The following KANSL1L variants were observed in gnomAD, a reference collection of about 807,000 sequenced individuals.
KANSL1L encodes KAT8 regulatory NSL complex subunit 1-like protein.
Under a neutral mutation model 108.6 loss-of-function variants are expected in KANSL1L, and 25 were observed. That is an observed-to-expected ratio of 0.23 (90% CI 0.17 to 0.32). KANSL1L has a LOEUF of 0.32. KANSL1L is among the 10% of genes least tolerant of loss of function. The probability of loss-of-function intolerance (pLI) is 1.00; values close to 1 mark genes in which losing one functional copy is unlikely to be tolerated. For synonymous variants in KANSL1L, 405 were observed against 395.1 expected (o/e 1.03, Z -0.30); for missense variants, 1,137 against 1,125.7 (o/e 1.01, Z -0.14).
At chr2:210,093,299 T>A (rs2125391992) in intron 5 of KANSL1L, among the ~76,000 whole-genome samples, 1 of 152,204 alleles carries the variant, frequency 6.6e-6, no homozygotes, top group Middle Eastern at 3.4e-3. Context: ...GCATGCACCA[T>A]CACACCCAGC....
At position 210,023,934 on chromosome 2, in the gene KANSL1L, T is replaced by C. The variant is rs186247769; in HGVS notation, c.2733+99A>G. The C allele has an allele frequency of 8.5e-6, 6 of 706,746 alleles. No homozygotes were observed. The African/African-American group carries it at 9.3e-5, about 11-fold the overall frequency. 43.8% of individuals were successfully genotyped at this position (706,746 alleles called of 1,614,324 possible). A position where few individuals can be genotyped will look rare whatever the true frequency, so the allele number is the denominator to read the frequency against. On this transcript the variant is annotated intron_variant, in intron 14 of 14. Transcript: ENST00000281772. ...TATACCTAACTTATTGAATTTGTTA[T>C]GTAATGATGTAATAAACTTAATTTT...
intron 5 of KANSL1L, among the ~76,000 whole-genome samples, chr2:210,085,443 A>G (rs2094628050): frequency 6.6e-6 from 1 of 152,174 alleles, no homozygotes; most frequent in East Asian, 1.9e-4. Flanking sequence ...TTAACACATA[A>G]AGGCAAAGAG....
chr2:210,025,717 C>T (rs895952851), intron 12 of KANSL1L, among the ~76,000 whole-genome samples: 2 of 152,070 alleles, frequency 1.3e-5, no homozygotes, highest in Non-Finnish European at 2.9e-5. Context: ...AAAATTATTT[C>T]ATTATTGTTA....
intron 1 of KANSL1L, among the ~76,000 whole-genome samples, chr2:210,165,625 AATT>A (rs1468616920): frequency 1.3e-5 from 2 of 152,220 alleles, no homozygotes; most frequent in African/African-American, 4.8e-5. Context: ...GTTGCTCTGA[AATT>A]ATTATAAATA....
At position 210,031,933 on chromosome 2, in the gene KANSL1L, A is replaced by G. The variant is rs964585491; in HGVS notation, c.2030-387T>C. Among the ~76,000 whole-genome samples, 4 of 152,348 alleles carry G rather than the reference A, an allele frequency of 2.6e-5. No homozygotes were observed. In the South Asian group the frequency reaches 8.3e-4, roughly 32 times the overall value. On this transcript the variant is annotated intron_variant, in intron 8 of 14. Coordinates refer to ENST00000281772, the MANE Select transcript of KANSL1L (RefSeq NM_152519.4). Reference sequence around the variant, plus strand: ...CATGGTCAGACTAGACTGTGCGAGCAAGAACCAGAATCATTTAATATCTCT... The same window carrying G: ...CATGGTCAGACTAGACTGTGCGAGCGAGAACCAGAATCATTTAATATCTCT...
intron 2 of KANSL1L, among the ~76,000 whole-genome samples, chr2:210,139,553 C>T (rs965623975): frequency 6.6e-6 from 1 of 152,078 alleles, no homozygotes; most frequent in Non-Finnish European, 1.5e-5. Flanking sequence ...TATCTGTATC[C>T]TCTCCAACAT....
rs888723099 is a variant in KANSL1L, at chr2:210,025,749, C to T, written c.2452-533G>A. Among the ~76,000 whole-genome samples, 12 of 152,220 alleles carry T rather than the reference C, an allele frequency of 7.9e-5. No individual in the cohort carries two copies. The East Asian group carries it at 9.7e-4, about 12-fold the overall frequency. ...GTTATTTTTAGACACGGGTCTCTGT[C>T]GCCCAGGCTGTAGTGAGTGCAGTGG... is the stretch of plus-strand genomic sequence containing the variant. On this transcript the variant is annotated intron_variant, in intron 12 of 14. Transcript: ENST00000281772.
At chr2:210,124,190 A>G (rs975810252) in intron 3 of KANSL1L, among the ~76,000 whole-genome samples, 1 of 152,158 alleles carries the variant, frequency 6.6e-6, no homozygotes, top group African/African-American at 2.4e-5. Context: ...TCTACCCAAC[A>G]ACAACCACAT....
In KANSL1L at chr2:210,098,177, A is replaced by G; in HGVS notation, c.1459T>C (p.Leu487=). 2 of 1,612,554 alleles carry G rather than the reference A, an allele frequency of 1.2e-6. No homozygotes were observed. Among genetic ancestry groups the G allele is most frequent in the Non-Finnish European group, 1.7e-6 (2 of 1,179,230 alleles). The part of the protein sequence containing the change: ...SAQLTEIINS[L]IAPLNLSPTS... ...GGGGACAAGTTGAGAGGGGCAATCA[A>G]ACTGTTGATGATCTCAGTCAACTGT... Residue 487 remains leucine, a synonymous_variant, in exon 5 of 15, where the codon TTG becomes CTG. Coordinates refer to ENST00000281772, the MANE Select transcript of KANSL1L (RefSeq NM_152519.4).
intron 5 of KANSL1L, chr2:210,080,427 A>T (rs1254841965): frequency 2.0e-5 from 3 of 152,194 alleles, no homozygotes; most frequent in Non-Finnish European, 4.4e-5. Context: ...GTGACATGGC[A>T]TGCCTATAGT....
chr2:210,107,307 G>T (rs1011653074), intron 3 of KANSL1L, among the ~76,000 whole-genome samples: 1 of 151,854 alleles, frequency 6.6e-6, no homozygotes, highest in African/African-American at 2.4e-5. Flanking sequence ...GATAACAAAA[G>T]AAATCTAAGA....
chr2:210,129,004 A>G, intron 3 of KANSL1L, 27 bp downstream of exon 3: 1 of 1,572,894 alleles, frequency 6.4e-7, no homozygotes, highest in Non-Finnish European at 8.7e-7. Context: ...TTTTTAACAA[A>G]AGTAGAAGAA....
chr2:210,028,573 A>G (rs111774117), intron 11 of KANSL1L: 4 of 278,100 alleles, frequency 1.4e-5, no homozygotes, highest in African/African-American at 6.8e-5. Flanking sequence ...TGTCATATAC[A>G]TAGTAGATAA....
chr2:210,115,411 G>A (rs140735608), intron 3 of KANSL1L, among the ~76,000 whole-genome samples: 2 of 152,098 alleles, frequency 1.3e-5, no homozygotes, highest in African/African-American at 4.8e-5. Flanking sequence ...TATGTTTATA[G>A]GATAACAGAT....
intron 5 of KANSL1L, chr2:210,096,522 A>G: frequency 1.0e-6 from 1 of 984,982 alleles, no homozygotes; most frequent in Non-Finnish European, 1.2e-6. Flanking sequence ...ACATGAACAC[A>G]CACATGTAAC....
At chr2:210,089,790 C>A (rs185488370) in intron 5 of KANSL1L, among the ~76,000 whole-genome samples, 35 of 152,156 alleles carry the variant, frequency 2.3e-4, no homozygotes, top group African/African-American at 7.0e-4. Context: ...TGTGTTTATG[C>A]TAATTTTTAG....
chr2:210,096,408 T>C (rs2094736277), intron 5 of KANSL1L: 1 of 774,610 alleles, frequency 1.3e-6, no homozygotes, highest in Non-Finnish European at 1.6e-6. Context: ...TTTGTGTCCC[T>C]AGGACTTGAC....
At chr2:210,140,221 T>A (rs775784941) in intron 2 of KANSL1L, among the ~76,000 whole-genome samples, 47 of 152,326 alleles carry the variant, frequency 3.1e-4, no homozygotes, top group Non-Finnish European at 5.4e-4. Context: ...TTTTGTTACC[T>A]GTGCTTTGGA....
intron 1 of KANSL1L, among the ~76,000 whole-genome samples, chr2:210,161,478 C>T (rs962735007): frequency 1.3e-5 from 2 of 152,178 alleles, no homozygotes; most frequent in African/African-American, 4.8e-5. Flanking sequence ...TGTAACTATA[C>T]AACTTCTAGA....
Sources: allele counts gnomAD v4.1 joint callset (sites outside exome capture counted in the v4.1 genomes callset), GRCh38; gene constraint gnomAD v4.1.1; transcripts MANE v1.5; gene names NCBI Gene and HGNC (gene_info 2026-07-23, HGNC 2026-07-21).